The following CIRSR variants were observed in gnomAD, a reference collection of about 807,000 sequenced individuals.
The protein encoded by CIRSR is CBF1 (RBPJ) interacting corepressor 1.
At chr2:174,366,114 T>A in the CIRSR span, among the ~76,000 whole-genome samples, 1 of 152,116 alleles carries the variant, frequency 6.6e-6, no homozygotes, top group Non-Finnish European at 1.5e-5. Context: ...GACGGGCTCC[T>A]CAGGAGGAAG....
the CIRSR span, among the ~76,000 whole-genome samples, chr2:174,395,064 A>G: frequency 1.3e-5 from 2 of 152,210 alleles, no homozygotes; most frequent in Admixed American, 1.3e-4. Context: ...ATATTCACCA[A>G]AGTATTACAA....
the CIRSR span, chr2:174,348,454 C>A: frequency 2.0e-6 from 3 of 1,538,412 alleles, no homozygotes; most frequent in Non-Finnish European, 2.6e-6. Flanking sequence ...TATTTTTATT[C>A]CCAGGTAATT....
the CIRSR span, among the ~76,000 whole-genome samples, chr2:174,386,418 G>A: frequency 4.1e-3 from 622 of 152,294 alleles, 6 homozygotes; most frequent in African/African-American, 0.014. Flanking sequence ...CCGACTTCAG[G>A]TGATCTGCCC....
At chr2:174,355,638 A>G in the CIRSR span, among the ~76,000 whole-genome samples, 1 of 152,246 alleles carries the variant, frequency 6.6e-6, no homozygotes, top group African/African-American at 2.4e-5. Context: ...TCAGGAAAGA[A>G]AAAATTCCTA....
chr2:174,357,715 A>C, the CIRSR span, among the ~76,000 whole-genome samples: 1 of 152,198 alleles, frequency 6.6e-6, no homozygotes. Flanking sequence ...ATTATCTTAC[A>C]CTTATATTTG....
the CIRSR span, among the ~76,000 whole-genome samples, chr2:174,363,750 A>G: frequency 9.2e-5 from 14 of 152,150 alleles, no homozygotes; most frequent in Admixed American, 9.2e-4. Flanking sequence ...TTTTAAAACC[A>G]TCGGATCTTG....
chr2:174,387,988 C>A, the CIRSR span, among the ~76,000 whole-genome samples: 1 of 151,766 alleles, frequency 6.6e-6, no homozygotes, highest in Non-Finnish European at 1.5e-5. Context: ...CGATAGCCAA[C>A]GAGCTAAAAA....
the CIRSR span, among the ~76,000 whole-genome samples, chr2:174,371,743 A>G: frequency 1.3e-5 from 2 of 152,252 alleles, no homozygotes; most frequent in East Asian, 1.9e-4. Flanking sequence ...GTTACTTTAT[A>G]TACTAAACTA....
At chr2:174,372,128 T>C in the CIRSR span, among the ~76,000 whole-genome samples, 2 of 152,260 alleles carry the variant, frequency 1.3e-5, no homozygotes, top group Non-Finnish European at 2.9e-5. Context: ...TTTAGTTAAG[T>C]ACTACTGCTA....
At chr2:174,359,854 T>A in the CIRSR span, among the ~76,000 whole-genome samples, 14 of 152,192 alleles carry the variant, frequency 9.2e-5, no homozygotes, top group South Asian at 6.2e-4. Context: ...ATGTGGCACA[T>A]CTACACCATG....
At chr2:174,380,053 T>G in the CIRSR span, 2 of 531,556 alleles carry the variant, frequency 3.8e-6, no homozygotes, top group Non-Finnish European at 6.6e-6. Flanking sequence ...CCTACTACAT[T>G]TTATGTTTTC....
the CIRSR span, among the ~76,000 whole-genome samples, chr2:174,362,989 A>C: frequency 4.3e-4 from 65 of 152,262 alleles, no homozygotes; most frequent in Non-Finnish European, 8.1e-4. Context: ...GTGAAGACCA[A>C]AGAACAATCT....
At chr2:174,377,723 G>A in the CIRSR span, among the ~76,000 whole-genome samples, 1 of 150,286 alleles carries the variant, frequency 6.7e-6, no homozygotes, top group Non-Finnish European at 1.5e-5. Context: ...TACTCGGGGG[G>A]CTGAGGTGGG....
the CIRSR span, among the ~76,000 whole-genome samples, chr2:174,382,526 C>A: frequency 6.6e-6 from 1 of 152,108 alleles, no homozygotes; most frequent in Non-Finnish European, 1.5e-5. Context: ...GTAATCCCAG[C>A]TACTCGGGAG....
At chr2:174,371,786 G>A in the CIRSR span, among the ~76,000 whole-genome samples, 1 of 152,080 alleles carries the variant, frequency 6.6e-6, no homozygotes, top group African/African-American at 2.4e-5. Context: ...GCAACACCAG[G>A]GGGTGTGGTT....
the CIRSR span, among the ~76,000 whole-genome samples, chr2:174,378,476 A>G: frequency 6.6e-6 from 1 of 152,236 alleles, no homozygotes; most frequent in African/African-American, 2.4e-5. Flanking sequence ...AGTAATATGT[A>G]GGACAGTAAG....
At chr2:174,371,561 G>C in the CIRSR span, among the ~76,000 whole-genome samples, 37 of 152,268 alleles carry the variant, frequency 2.4e-4, no homozygotes, top group African/African-American at 8.9e-4. Context: ...AACTTATAAA[G>C]TTAAGATGAT....
chr2:174,354,453 AT>A, the CIRSR span, among the ~76,000 whole-genome samples: 3 of 91,610 alleles, frequency 3.3e-5, no homozygotes, highest in African/African-American at 1.5e-4. Context: ...ATATTATATA[AT>A]ATAATATATA....
the CIRSR span, among the ~76,000 whole-genome samples, chr2:174,392,779 G>A: frequency 6.6e-6 from 1 of 152,128 alleles, no homozygotes; most frequent in Non-Finnish European, 1.5e-5. Context: ...CTGATTTGGG[G>A]TAAAAAACTT....
Sources: allele counts gnomAD v4.1 joint callset (sites outside exome capture counted in the v4.1 genomes callset), GRCh38; gene constraint gnomAD v4.1.1; transcripts MANE v1.5; gene names NCBI Gene and HGNC (gene_info 2026-07-23, HGNC 2026-07-21).